PHLDB2: variants seen among roughly 807,000 people sequenced by gnomAD.
PHLDB2 encodes the protein pleckstrin homology-like domain family B member 2.
In PHLDB2, 71 loss-of-function variants were observed where a neutral mutation model predicts 123.6. The observed-to-expected ratio is 0.57, with a 90% CI of 0.47 to 0.70. The LOEUF (loss-of-function observed/expected upper bound fraction) is 0.70. PHLDB2 is among the 30% of genes least tolerant of loss of function. The probability of loss-of-function intolerance (pLI) is 0.00; values close to 1 mark genes in which losing one functional copy is unlikely to be tolerated. For synonymous variants in PHLDB2, 547 were observed against 541.6 expected (o/e 1.01, Z -0.14); for missense variants, 1,446 against 1,519.5 (o/e 0.95, Z 0.80).
chr3:111,859,924 C>A (rs982354033), intron 1 of PHLDB2: 1 of 984,576 alleles, frequency 1.0e-6, no homozygotes, highest in Non-Finnish European at 1.2e-6. Flanking sequence ...TCTTTACAGG[C>A]TGTAGGGACA....
intron 1 of PHLDB2, among the ~76,000 whole-genome samples, chr3:111,837,433 G>A (rs3925080): frequency 0.26 from 38,923 of 151,976 alleles, 5,666 homozygotes; most frequent in Non-Finnish European, 0.32. Flanking sequence ...TCTCAAAGTC[G>A]TGCTCTTTGG....
intron 1 of PHLDB2, among the ~76,000 whole-genome samples, chr3:111,806,632 C>T (rs887636501): frequency 3.3e-5 from 5 of 151,792 alleles, no homozygotes; most frequent in East Asian, 1.9e-4. Flanking sequence ...ACTATAGGCA[C>T]GAGCCAGCAC....
At chr3:111,834,055 A>ATTATATGTAATAGAATTATATATATT (rs796992166) in intron 1 of PHLDB2, among the ~76,000 whole-genome samples, 1 of 14,818 alleles carries the variant, frequency 6.7e-5, no homozygotes, top group Admixed American at 1.1e-3. Context: ...AATTATATAT[A>ATTATATGTAATAGAATTATATATATT]ATATATGTAA....
intron 5 of PHLDB2, among the ~76,000 whole-genome samples, chr3:111,923,378 AT>A (rs2068634384): frequency 6.6e-6 from 1 of 151,654 alleles, no homozygotes; most frequent in Non-Finnish European, 1.5e-5. Flanking sequence ...TTTTCCATCT[AT>A]TTCTCTTACC....
In PHLDB2 at chr3:111,884,107, G is replaced by A. The variant is rs1289167364; in HGVS notation, c.30G>A (p.Glu10=). The change falls in exon 2 of 18, where the codon GAG becomes GAA. Residue 10 remains glutamate, a synonymous_variant. Transcript: ENST00000431670. MEEHSYIQK[E]LDLQNGSLEE... ...AAGAGCATAGCTACATACAAAAGGA[G>A]CTAGATTTACAAAATGGTAGCTTAG... 1.2e-6 allele frequency: 2 copies of A among 1,614,056 alleles called. No homozygotes were observed. Among genetic ancestry groups the A allele is most frequent in the Non-Finnish European group, 1.7e-6 (2 of 1,179,948 alleles).
chr3:111,759,535 T>C (rs2059958603), intron 1 of PHLDB2, among the ~76,000 whole-genome samples: 1 of 152,164 alleles, frequency 6.6e-6, no homozygotes, highest in Non-Finnish European at 1.5e-5. Context: ...CACACACATA[T>C]GTATGTATGT....
At chr3:111,740,617 AAC>A (rs988532440) in intron 1 of PHLDB2, among the ~76,000 whole-genome samples, 4 of 152,186 alleles carry the variant, frequency 2.6e-5, no homozygotes, top group African/African-American at 9.7e-5. Context: ...GATAACACGT[AAC>A]ACAATATATA....
At chr3:111,855,602 T>A (rs1345537493), upstream of PHLDB2, among the ~76,000 whole-genome samples, 3 of 151,040 alleles carry the variant, frequency 2.0e-5, no homozygotes, top group Non-Finnish European at 4.4e-5. Flanking sequence ...TTGAGTGCTT[T>A]CTATAGATGT....
In PHLDB2 at chr3:111,920,278, T is replaced by G; in HGVS notation, c.1864-4T>G. 1 of 1,612,976 alleles carries G rather than the reference T, an allele frequency of 6.2e-7. No homozygotes were observed. Among genetic ancestry groups the G allele is most frequent in the Non-Finnish European group, 8.5e-7 (1 of 1,179,640 alleles). Reference sequence around the variant, plus strand: ...CACTTCTGAGCTTTGGTTTGTGTCCTTAGTTGGATATGGAATGTGCTCTTT... The same window carrying G: ...CACTTCTGAGCTTTGGTTTGTGTCCGTAGTTGGATATGGAATGTGCTCTTT... On this transcript the variant is annotated splice_polypyrimidine_tract_variant and splice_region_variant and intron_variant, in intron 4 of 17. Coordinates refer to ENST00000431670, the MANE Select transcript of PHLDB2 (RefSeq NM_001134438.2).
intron 1 of PHLDB2, chr3:111,779,897 A>G (rs988741021): frequency 5.1e-6 from 5 of 978,558 alleles, no homozygotes; most frequent in Admixed American, 1.2e-4. Flanking sequence ...TGGCCAATGA[A>G]GGGTTGGGTC....
chr3:111,834,196 T>C (rs2063251730), intron 1 of PHLDB2, among the ~76,000 whole-genome samples: 3 of 72,866 alleles, frequency 4.1e-5, no homozygotes, highest in Non-Finnish European at 7.5e-5. Flanking sequence ...ATATATGTAA[T>C]AGAATTATAT....
At chr3:111,946,439 C>T (rs1325856689) in intron 9 of PHLDB2, among the ~76,000 whole-genome samples, 2 of 152,204 alleles carry the variant, frequency 1.3e-5, no homozygotes, top group African/African-American at 4.8e-5. Context: ...TGGACTCTTA[C>T]ATAGAAAATA....
In PHLDB2 at chr3:111,895,054, T is replaced by TA. The variant is rs1559890589; in HGVS notation, c.1335+9642_1335+9643insA. Among the ~76,000 whole-genome samples, 549 of 148,836 alleles carry TA rather than the reference T, an allele frequency of 3.7e-3. 5 individuals carry two copies. Among genetic ancestry groups the TA allele is most frequent in the African/African-American group, 6.9e-3 (279 of 40,592 alleles). ...CCAATTGTCCTCCATTAACTGAGAG[T>TA]GAAAAAAAAAAAACGGTTGTCATAC... On this transcript the variant is annotated intron_variant, in intron 2 of 17. Coordinates refer to ENST00000431670, the MANE Select transcript of PHLDB2 (RefSeq NM_001134438.2).
In PHLDB2 at chr3:111,884,075, AT is replaced by A; in HGVS notation, c.-1del. The A allele has an allele frequency of 6.2e-7, 1 of 1,601,932 alleles. No homozygotes were observed. Among genetic ancestry groups the A allele is most frequent in the Non-Finnish European group, 8.5e-7 (1 of 1,176,444 alleles). Reference sequence around the variant, plus strand: ...TTATTTCTTTACAGATTCCAGCAAGATTATGGAAGAGCATAGCTACATACAA... The same window carrying A: ...TTATTTCTTTACAGATTCCAGCAAGATATGGAAGAGCATAGCTACATACAA... On this transcript the variant is annotated 5_prime_UTR_variant, in exon 2 of 18. Coordinates refer to ENST00000431670, the MANE Select transcript of PHLDB2 (RefSeq NM_001134438.2).
At chr3:111,898,397 C>T (rs1183890274) in intron 2 of PHLDB2, among the ~76,000 whole-genome samples, 2 of 152,022 alleles carry the variant, frequency 1.3e-5, no homozygotes, top group Non-Finnish European at 2.9e-5. Context: ...TGGCCAGGCT[C>T]GTCTCGAACT....
chr3:111,830,959 A>AGAGAGAGAG (rs1559854959), intron 1 of PHLDB2, among the ~76,000 whole-genome samples: 6 of 30,608 alleles, frequency 2.0e-4, no homozygotes, highest in Non-Finnish European at 2.6e-4. Context: ...AAGAAAGAGA[A>AGAGAGAGAG]AGAAAGAAAG....
intron 1 of PHLDB2, among the ~76,000 whole-genome samples, chr3:111,780,250 T>G (rs946002707): frequency 7.5e-6 from 1 of 132,536 alleles, no homozygotes; most frequent in Non-Finnish European, 1.6e-5. Context: ...AGTGGGCTCC[T>G]GATTTAAAAG....
At chr3:111,816,080 T>C (rs1246797964) in intron 1 of PHLDB2, among the ~76,000 whole-genome samples, 1 of 150,908 alleles carries the variant, frequency 6.6e-6, no homozygotes, top group African/African-American at 2.5e-5. Context: ...GCTTTAGAAC[T>C]TCCCCCTAGA....
chr3:111,757,294 T>G (rs1166168872), intron 1 of PHLDB2, among the ~76,000 whole-genome samples: 1 of 152,174 alleles, frequency 6.6e-6, no homozygotes, highest in African/African-American at 2.4e-5. Flanking sequence ...ACCAATCAGA[T>G]GTAGATTTGG....
Sources: allele counts gnomAD v4.1 joint callset (sites outside exome capture counted in the v4.1 genomes callset), GRCh38; gene constraint gnomAD v4.1.1; transcripts MANE v1.5; gene names NCBI Gene and HGNC (gene_info 2026-07-23, HGNC 2026-07-21).